The following DLG2 variants were observed in gnomAD, a reference collection of about 807,000 sequenced individuals.
DLG2 encodes the protein disks large homolog 2.
A neutral mutation model predicts 132.5 loss-of-function variants in DLG2; 45 were observed. The observed-to-expected ratio is 0.34, with a 90% CI of 0.27 to 0.44. The LOEUF is 0.44. DLG2 is among the 20% of genes least tolerant of loss of function. DLG2 has a pLI of 1.00. For missense variants in DLG2, 1,045 were observed against 1,196.9 expected (o/e 0.87, Z 1.87); for synonymous variants, 424 against 419.6 (o/e 1.01, Z -0.13).
At chr11:84,925,056 T>C (rs2092926006) in intron 6 of DLG2, among the ~76,000 whole-genome samples, 1 of 152,202 alleles carries the variant, frequency 6.6e-6, no homozygotes. Context: ...TAAAAATGCC[T>C]TTCTCCACTG....
chr11:84,750,943 A>T (rs2066029535), intron 6 of DLG2, among the ~76,000 whole-genome samples: 1 of 152,214 alleles, frequency 6.6e-6, no homozygotes, highest in Non-Finnish European at 1.5e-5. Flanking sequence ...TGTAATGCTT[A>T]TAAGATTGAA....
intron 8 of DLG2, among the ~76,000 whole-genome samples, chr11:84,235,386 A>G (rs117978417): frequency 6.6e-6 from 1 of 152,216 alleles, no homozygotes; most frequent in East Asian, 1.9e-4. Context: ...ACAGAGTTTG[A>G]CCCTTTTTGA....
chr11:85,494,556 T>A (rs185436618), intron 3 of DLG2, among the ~76,000 whole-genome samples: 2 of 152,222 alleles, frequency 1.3e-5, no homozygotes, highest in East Asian at 3.9e-4. Flanking sequence ...ATCTTAAAAG[T>A]AAGACAGTCT....
At chr11:84,215,769 T>TA (rs1195912724) in intron 8 of DLG2, among the ~76,000 whole-genome samples, 1 of 152,104 alleles carries the variant, frequency 6.6e-6, no homozygotes, top group Non-Finnish European at 1.5e-5. Context: ...GATGAAAAGA[T>TA]AAAAAAATAA....
chr11:83,716,967 C>T (rs1482080796), intron 18 of DLG2, among the ~76,000 whole-genome samples: 3 of 152,240 alleles, frequency 2.0e-5, no homozygotes, highest in South Asian at 2.1e-4. Flanking sequence ...TACTCTTAGG[C>T]TTACTGTCAT....
chr11:85,031,608 T>A (rs1592978516), intron 6 of DLG2, among the ~76,000 whole-genome samples: 1 of 152,308 alleles, frequency 6.6e-6, no homozygotes, highest in East Asian at 1.9e-4. Context: ...CTTTTTTTAA[T>A]AATCATATTT....
intron 18 of DLG2, among the ~76,000 whole-genome samples, chr11:83,686,177 A>G (rs1481459124): frequency 2.0e-5 from 3 of 151,526 alleles, no homozygotes; most frequent in African/African-American, 7.3e-5. Flanking sequence ...AGACACCAAC[A>G]CTCCTTGCTC....
At chr11:85,513,582 A>G (rs2094119352) in intron 3 of DLG2, among the ~76,000 whole-genome samples, 1 of 151,884 alleles carries the variant, frequency 6.6e-6, no homozygotes, top group African/African-American at 2.4e-5. Flanking sequence ...CTTATCTTTC[A>G]CTAGTATATC....
At chr11:84,350,181 C>CCT (rs1555518935) in intron 7 of DLG2, among the ~76,000 whole-genome samples, 2 of 143,208 alleles carry the variant, frequency 1.4e-5, no homozygotes, top group East Asian at 4.2e-4. Context: ...TCGTCCCCCC[C>CCT]CCCAAAAAAA....
At position 84,419,230 on chromosome 11, in the gene DLG2, C is replaced by T. The variant is rs574047954; in HGVS notation, c.519+115340G>A. Among the ~76,000 whole-genome samples, 61 of 152,258 alleles carry T rather than the reference C, an allele frequency of 4.0e-4. 1 individual carries two copies. The highest frequency in any genetic ancestry group is 6.8e-3 in the Middle Eastern group (2 of 294). ...GTGGGCTTGTGTAAGATCACTGGTG[C>T]TTAATTAACTCAAACTTGTGCTTAC... On this transcript the variant is annotated intron_variant, in intron 7 of 27. Transcript: ENST00000376104.
At chr11:85,179,815 T>C (rs150852042) in intron 4 of DLG2, among the ~76,000 whole-genome samples, 80 of 152,084 alleles carry the variant, frequency 5.3e-4, no homozygotes, top group African/African-American at 1.9e-3. Flanking sequence ...TTAATAACGG[T>C]AGTTAATACT....
Position 85,113,534 on chromosome 11 carries a change from C to T in DLG2, c.283-1799G>A, listed in dbSNP as rs114145625. 6.2e-3 allele frequency among the ~76,000 whole-genome samples: 936 copies of T among 152,024 alleles called. 11 individuals carry two copies. The highest frequency in any genetic ancestry group is 0.022 in the African/African-American group (894 of 41,490). ...AAAATTAACAATGATTTTACAAGGC[C>T]AGACAAATAAAAAAGACTAGTGATG... On this transcript the variant is annotated intron_variant, in intron 5 of 27. Coordinates refer to ENST00000376104, the MANE Select transcript of DLG2 (RefSeq NM_001142699.3).
intron 7 of DLG2, chr11:84,316,786 T>C (rs1374456043): frequency 1.3e-6 from 2 of 1,550,610 alleles, no homozygotes; most frequent in African/African-American, 2.7e-5. Context: ...TCTCACTTTC[T>C]TCAGACACTC....
chr11:84,364,364 T>A, intron 7 of DLG2, among the ~76,000 whole-genome samples: 1 of 152,154 alleles, frequency 6.6e-6, no homozygotes, highest in East Asian at 1.9e-4. Flanking sequence ...TGATTTTGTA[T>A]CCTGAGACTT....
chr11:85,436,620 C>T (rs2091494453), intron 3 of DLG2, among the ~76,000 whole-genome samples: 1 of 152,096 alleles, frequency 6.6e-6, no homozygotes, highest in Non-Finnish European at 1.5e-5. Flanking sequence ...CTATCTCATC[C>T]CAGTCAGAAT....
chr11:85,256,105 T>C (rs1198450186), intron 4 of DLG2, among the ~76,000 whole-genome samples: 5 of 152,182 alleles, frequency 3.3e-5, no homozygotes, highest in African/African-American at 1.2e-4. Context: ...CAAGCAAACC[T>C]GTTTTTGTGT....
rs1418551594 is a variant in DLG2 at position 85,491,320 on chromosome 11, T to A, written c.40+107337A>T. Among the ~76,000 whole-genome samples, 7 of 152,188 alleles carry A rather than the reference T, an allele frequency of 4.6e-5. No individual in the cohort carries two copies. The South Asian group carries it at 1.5e-3, about 32-fold the overall frequency. ...AACCTACAGTTAACATTATACTGAA[T>A]AGGAAAAAGATGAAAGCATTTCCTC... On this transcript the variant is annotated intron_variant, in intron 3 of 27. Transcript: ENST00000376104.
intron 17 of DLG2, among the ~76,000 whole-genome samples, chr11:83,797,075 G>A (rs1357399934): frequency 6.6e-6 from 1 of 152,136 alleles, no homozygotes; most frequent in Non-Finnish European, 1.5e-5. Flanking sequence ...GAGGAGACCA[G>A]TGGCAAGAGT....
At chr11:84,053,073 C>G (rs1051837012) in intron 11 of DLG2, among the ~76,000 whole-genome samples, 1 of 152,020 alleles carries the variant, frequency 6.6e-6, no homozygotes, top group African/African-American at 2.4e-5. Context: ...CCATGGAATA[C>G]TATGCAGCCA....
Sources: allele counts gnomAD v4.1 joint callset (sites outside exome capture counted in the v4.1 genomes callset), GRCh38; gene constraint gnomAD v4.1.1; transcripts MANE v1.5; gene names NCBI Gene and HGNC (gene_info 2026-07-23, HGNC 2026-07-21).